Variants in ARFGAP3 observed in about 807,000 individuals in gnomAD.
ARFGAP3 encodes the protein ADP-ribosylation factor GTPase-activating protein 3.
A neutral mutation model predicts 75.0 loss-of-function variants in ARFGAP3; 72 were observed. The ratio of observed to expected loss-of-function variants is 0.96; its 90% CI spans 0.79 to 1.17. The LOEUF (loss-of-function observed/expected upper bound fraction) is 1.17, where lower values mean the gene tolerates loss of function less well. Ranked by LOEUF, ARFGAP3 falls within the 50% of genes most tolerant of loss-of-function variation. ARFGAP3 has a pLI of 0.00. For synonymous variants in ARFGAP3, 221 were observed against 217.9 expected, an observed-to-expected ratio of 1.01 and a Z score of -0.13; for missense variants, 620 against 626.6, an observed-to-expected ratio of 0.99 and a Z score of 0.11.
At chr22:42,812,222 C>T (rs1366511960) in intron 11 of ARFGAP3, among the ~76,000 whole-genome samples, 1 of 50,450 alleles carries the variant, frequency 2.0e-5, no homozygotes, top group African/African-American at 1.7e-4. Context: ...GGGATACTGT[C>T]TCAAAAAAAA....
At chr22:42,843,725 G>A (rs1042660074) in intron 2 of ARFGAP3, among the ~76,000 whole-genome samples, 1 of 152,146 alleles carries the variant, frequency 6.6e-6, no homozygotes, top group Non-Finnish European at 1.5e-5. Flanking sequence ...CAACAAGATC[G>A]ATGCAGGGAT....
intron 6 of ARFGAP3, among the ~76,000 whole-genome samples, chr22:42,827,495 T>C (rs1417030555): frequency 2.0e-5 from 3 of 152,100 alleles, no homozygotes; most frequent in Admixed American, 2.0e-4. Context: ...GCCACCCGAG[T>C]AGCTGGGATT....
Position 42,857,039 on chromosome 22 carries a change from C to T in ARFGAP3, c.69+75G>A, listed in dbSNP as rs1290675282. 8.4e-6 allele frequency: 12 copies of T among 1,424,218 alleles called. No homozygotes were observed. In the East Asian group the frequency reaches 3.8e-4, roughly 45 times the overall value. The allele number at this position is 1,424,218 out of a possible 1,614,324, so 88.2% of individuals were successfully genotyped here. ...CCGGCCCCGCCTCCCAAGCCACGGG[C>T]ACTGGCGCCCGCGGGGCCTCCCGCC... is the stretch of plus-strand genomic sequence containing the variant. On this transcript the variant is annotated intron_variant, in intron 1 of 15. Coordinates refer to ENST00000263245, the MANE Select transcript of ARFGAP3 (RefSeq NM_014570.5).
chr22:42,838,498 T>G (rs369744912), intron 3 of ARFGAP3, among the ~76,000 whole-genome samples: 1 of 151,748 alleles, frequency 6.6e-6, no homozygotes, highest in Non-Finnish European at 1.5e-5. Context: ...GGTCTCACTA[T>G]GTTGCCCAGG....
intron 7 of ARFGAP3, among the ~76,000 whole-genome samples, chr22:42,826,002 G>C (rs2146552367): frequency 6.6e-6 from 1 of 152,240 alleles, no homozygotes; most frequent in South Asian, 2.1e-4. Flanking sequence ...GATGCTTGTG[G>C]GAGTTTTCCT....
Position 42,835,453 on chromosome 22 carries a change from G to A in ARFGAP3, c.302C>T (p.Thr101Ile). 6.2e-7 allele frequency: 1 copy of A among 1,614,082 alleles called. No individual in the cohort carries two copies. The highest frequency in any genetic ancestry group is 1.3e-5 in the African/African-American group (1 of 75,040). The change falls in exon 4 of 16, where the codon ACC becomes ATC. Residue 101 changes from threonine to isoleucine, a missense_variant. Transcript: ENST00000263245. ...AGCACGACTGTTGTACTTGGCATTGGTGTCATTGGTGGAACACCCATGTTG... is the reference window on the plus strand; with the variant it reads ...AGCACGACTGTTGTACTTGGCATTGATGTCATTGGTGGAACACCCATGTTG... Reference protein sequence around the residue: ...FHQHGCSTNDTNAKYNSRAAQ... With the variant: ...FHQHGCSTNDINAKYNSRAAQ...
chr22:42,830,968 C>T (rs1926257301), intron 6 of ARFGAP3, among the ~76,000 whole-genome samples: 1 of 151,988 alleles, frequency 6.6e-6, no homozygotes, highest in Non-Finnish European at 1.5e-5. Flanking sequence ...TATTTTTCCC[C>T]CACTTTATAG....
intron 6 of ARFGAP3, among the ~76,000 whole-genome samples, chr22:42,827,682 T>G (rs1260019242): frequency 6.6e-6 from 1 of 152,156 alleles, no homozygotes; most frequent in Non-Finnish European, 1.5e-5. Flanking sequence ...GTGGAAATTC[T>G]AATACCAATT....
At chr22:42,836,488 T>C (rs758306721) in intron 3 of ARFGAP3, among the ~76,000 whole-genome samples, 21 of 152,172 alleles carry the variant, frequency 1.4e-4, no homozygotes, top group Non-Finnish European at 2.2e-4. Flanking sequence ...TTTGACAAAT[T>C]AGTGAGGAGC....
intron 10 of ARFGAP3, 27 bp from the exon 11 acceptor site, chr22:42,817,291 T>C (rs2060106237): frequency 6.4e-7 from 1 of 1,565,540 alleles, no homozygotes; most frequent in Non-Finnish European, 8.7e-7. Context: ...AATATATATA[T>C]CAGTAAGTTC....
intron 1 of ARFGAP3, among the ~76,000 whole-genome samples, chr22:42,848,309 T>C (rs554646780): frequency 2.6e-5 from 4 of 151,128 alleles, no homozygotes; most frequent in African/African-American, 9.7e-5. Flanking sequence ...CCCAGGTTCA[T>C]GCCATTCTCC....
At chr22:42,855,846 C>A (rs1927472078) in intron 1 of ARFGAP3, among the ~76,000 whole-genome samples, 1 of 149,416 alleles carries the variant, frequency 6.7e-6, no homozygotes, top group Non-Finnish European at 1.5e-5. Flanking sequence ...ATAGCAAGAC[C>A]CTGTCTCTAC....
At chr22:42,833,764 AT>A (rs773155024) in intron 5 of ARFGAP3, among the ~76,000 whole-genome samples, 1 of 152,196 alleles carries the variant, frequency 6.6e-6, no homozygotes, top group East Asian at 1.9e-4. Context: ...CTCAAAAAAA[AT>A]ATTAGCTGGG....
At chr22:42,807,264 C>T in intron 13 of ARFGAP3, 101 bp from the exon 14 acceptor site, 2 of 1,470,330 alleles carry the variant, frequency 1.4e-6, no homozygotes, top group Non-Finnish European at 1.8e-6. Context: ...GTTTGACCCC[C>T]AGGCTCTTTC....
chr22:42,800,314 G>A (rs978541360), intron 14 of ARFGAP3, among the ~76,000 whole-genome samples: 5 of 152,180 alleles, frequency 3.3e-5, no homozygotes, highest in African/African-American at 1.2e-4. Context: ...AGGATCACTT[G>A]AGGTCAGGAG....
chr22:42,833,743 C>T (rs747186370), intron 5 of ARFGAP3, among the ~76,000 whole-genome samples: 11 of 151,384 alleles, frequency 7.3e-5, no homozygotes, highest in Non-Finnish European at 1.0e-4. Flanking sequence ...GTGACAAGAG[C>T]GAAACTCCAT....
chr22:42,839,839 T>A (rs1926700957), intron 3 of ARFGAP3, among the ~76,000 whole-genome samples: 1 of 152,186 alleles, frequency 6.6e-6, no homozygotes, highest in Non-Finnish European at 1.5e-5. Flanking sequence ...ACTGCCCCTG[T>A]CTATAAGAGG....
intron 9 of ARFGAP3, among the ~76,000 whole-genome samples, chr22:42,819,856 A>G (rs1925735620): frequency 6.6e-6 from 1 of 152,224 alleles, no homozygotes; most frequent in Non-Finnish European, 1.5e-5. Flanking sequence ...TTTGAGTGGC[A>G]GTGGTGGTCA....
intron 5 of ARFGAP3, 61 bp downstream of exon 5, chr22:42,834,181 G>T (rs1174196626): frequency 2.0e-6 from 3 of 1,464,016 alleles, no homozygotes; most frequent in East Asian, 2.3e-5. Flanking sequence ...TTTTAAATAT[G>T]CACCTTTTGT....
Sources: gnomAD v4.1 joint callset for allele counts (sites outside exome capture counted in the v4.1 genomes callset) on GRCh38, gnomAD v4.1.1 for gene constraint, MANE v1.5 for transcripts, NCBI Gene and HGNC (gene_info 2026-07-23, HGNC 2026-07-21) for gene names.